FOXP2: variants seen among roughly 807,000 people sequenced by gnomAD.
FOXP2 encodes forkhead box protein P2.
A neutral mutation model predicts 115.8 loss-of-function variants in FOXP2; 12 were observed. The ratio of observed to expected loss-of-function variants is 0.10; its 90% CI spans 0.07 to 0.17. The LOEUF is 0.17. Among genes scored for constraint, FOXP2 ranks in the 10% least tolerant of loss-of-function variants. The pLI is 1.00. For synonymous variants in FOXP2, 328 were observed against 297.7 expected, an observed-to-expected ratio of 1.10 and a Z score of -1.05; for missense variants, 629 against 843.5, an observed-to-expected ratio of 0.75 and a Z score of 3.15.
At chr7:114,297,284 C>A in intron 2 of FOXP2, 2 of 542,352 alleles carry the variant, frequency 3.7e-6, no homozygotes, top group East Asian at 4.3e-5. Context: ...GGGGCGAACC[C>A]ACACACCTCT....
chr7:114,382,705 G>C (rs910772949), intron 2 of FOXP2, among the ~76,000 whole-genome samples: 7 of 152,004 alleles, frequency 4.6e-5, no homozygotes, highest in Non-Finnish European at 8.8e-5. Context: ...CTGGGCCTAA[G>C]GCAGACTTTT....
intron 6 of FOXP2, among the ~76,000 whole-genome samples, chr7:114,636,373 C>T (rs1383676600): frequency 6.6e-6 from 1 of 152,054 alleles, no homozygotes; most frequent in African/African-American, 2.4e-5. Context: ...ATAGTAATAT[C>T]TCAGTGATTC....
At chr7:114,425,530 C>G (rs930985436) in intron 1 of FOXP2, among the ~76,000 whole-genome samples, 1 of 151,598 alleles carries the variant, frequency 6.6e-6, no homozygotes, top group Non-Finnish European at 1.5e-5. Context: ...GGCAGGACAT[C>G]TCATTGCTAT....
intron 3 of FOXP2, among the ~76,000 whole-genome samples, chr7:114,607,460 A>T (rs552889166): frequency 6.6e-6 from 1 of 152,342 alleles, no homozygotes; most frequent in Non-Finnish European, 1.5e-5. Flanking sequence ...CTATAAGATC[A>T]GAATAGGCTG....
intron 3 of FOXP2, among the ~76,000 whole-genome samples, chr7:114,572,968 G>C (rs1801393164): frequency 6.6e-6 from 1 of 151,830 alleles, no homozygotes; most frequent in African/African-American, 2.4e-5. Flanking sequence ...TGGCTGCTTT[G>C]AATGCAGTGT....
At chr7:114,215,126 T>C (rs1460410634) in intron 1 of FOXP2, among the ~76,000 whole-genome samples, 1 of 152,162 alleles carries the variant, frequency 6.6e-6, no homozygotes, top group Non-Finnish European at 1.5e-5. Flanking sequence ...ATGTGAATCC[T>C]TAATAATTAA....
At chr7:114,349,750 A>T (rs1791435757) in intron 2 of FOXP2, among the ~76,000 whole-genome samples, 1 of 152,086 alleles carries the variant, frequency 6.6e-6, no homozygotes, top group Non-Finnish European at 1.5e-5. Flanking sequence ...ATGTGAAAAT[A>T]GAAGAAATAA....
At chr7:114,646,713 G>A (rs541505434) in intron 8 of FOXP2, among the ~76,000 whole-genome samples, 1 of 151,912 alleles carries the variant, frequency 6.6e-6, no homozygotes, top group Non-Finnish European at 1.5e-5. Context: ...TATACTGACC[G>A]AAGTGAAATA....
intron 2 of FOXP2, among the ~76,000 whole-genome samples, chr7:114,319,877 G>A (rs1562869290): frequency 6.6e-6 from 1 of 152,150 alleles, no homozygotes; most frequent in Admixed American, 6.5e-5. Flanking sequence ...AGTCCAATTT[G>A]TACATTTTGA....
chr7:114,387,179 T>A (rs1171489334), intron 2 of FOXP2, among the ~76,000 whole-genome samples: 1 of 152,194 alleles, frequency 6.6e-6, no homozygotes, highest in Admixed American at 6.5e-5. Flanking sequence ...TCATTCAATC[T>A]CTTGCTTATT....
At chr7:114,574,824 CT>C (rs979250358) in intron 3 of FOXP2, among the ~76,000 whole-genome samples, 1 of 151,858 alleles carries the variant, frequency 6.6e-6, no homozygotes. Context: ...CCAGATGAAT[CT>C]TTTGATGAAC....
chr7:114,101,899 TTGTGTGTGTGTGTG>T (rs5886693), intron 1 of FOXP2, among the ~76,000 whole-genome samples: 14 of 142,518 alleles, frequency 9.8e-5, no homozygotes, highest in East Asian at 4.2e-4. Flanking sequence ...CTTCAACATT[TTGTGTGTGTGTGTG>T]TGTGTGTGTG....
At chr7:114,467,519 A>G (rs1795856101) in intron 2 of FOXP2, among the ~76,000 whole-genome samples, 1 of 152,120 alleles carries the variant, frequency 6.6e-6, no homozygotes, top group African/African-American at 2.4e-5. Flanking sequence ...ACTGTGATTT[A>G]CTTTCTGCAT....
intron 1 of FOXP2, among the ~76,000 whole-genome samples, chr7:114,247,289 C>A (rs1795310036): frequency 6.6e-6 from 1 of 152,162 alleles, no homozygotes; most frequent in Admixed American, 6.5e-5. Context: ...AAGCTCTTTA[C>A]CTGAGTATCT....
At chr7:114,413,795 C>T (rs1280664581), upstream of FOXP2, among the ~76,000 whole-genome samples, 1 of 152,124 alleles carries the variant, frequency 6.6e-6, no homozygotes, top group Non-Finnish European at 1.5e-5. Context: ...TGTTACTCAT[C>T]TGAAGAAACT....
At chr7:114,129,494 G>A in intron 1 of FOXP2, among the ~76,000 whole-genome samples, 1 of 151,970 alleles carries the variant, frequency 6.6e-6, no homozygotes, top group East Asian at 1.9e-4. Flanking sequence ...GGACTGCTTA[G>A]TAACTTGAGA....
At chr7:114,434,444 G>A (rs1473253834) in intron 2 of FOXP2, among the ~76,000 whole-genome samples, 1 of 144,402 alleles carries the variant, frequency 6.9e-6, no homozygotes, top group Non-Finnish European at 1.5e-5. Context: ...TATATGGGGG[G>A]GGGGGATAAG....
chr7:114,321,388 CG>C (rs1562869893), intron 2 of FOXP2, among the ~76,000 whole-genome samples: 1 of 151,720 alleles, frequency 6.6e-6, no homozygotes, highest in African/African-American at 2.4e-5. Context: ...TTAGTAGAGA[CG>C]GGGTTTCACT....
intron 2 of FOXP2, among the ~76,000 whole-genome samples, chr7:114,479,476 C>A (rs1796428587): frequency 6.7e-6 from 1 of 148,198 alleles, no homozygotes; most frequent in Admixed American, 6.8e-5. Context: ...ATGTTCAAGG[C>A]ACAAAGTTGA....
Sources: allele counts gnomAD v4.1 joint callset (sites outside exome capture counted in the v4.1 genomes callset), GRCh38; gene constraint gnomAD v4.1.1; transcripts MANE v1.5; gene names NCBI Gene and HGNC (gene_info 2026-07-23, HGNC 2026-07-21).